The following DNAAF5 variants were observed in gnomAD, a reference collection of about 807,000 sequenced individuals.
DNAAF5 encodes HEAT repeat containing 2.
In DNAAF5, 64 loss-of-function variants were observed where a neutral mutation model predicts 75.8. The ratio of observed to expected loss-of-function variants is 0.84; its 90% CI spans 0.69 to 1.04. The LOEUF is 1.04. Among genes scored for constraint, DNAAF5 ranks in the 50% least tolerant of loss-of-function variants. The pLI, the probability that DNAAF5 is intolerant of heterozygous loss-of-function variation, is 0.00. For synonymous variants in DNAAF5, 657 were observed against 557.2 expected, an observed-to-expected ratio of 1.18 and a Z score of -2.52; for missense variants, 1,269 against 1,178.5, an observed-to-expected ratio of 1.08 and a Z score of -1.12.
chr7:781,664 C>T lies in DNAAF5; in HGVS notation c.2431+1520C>T, dbSNP rs575849610. On this transcript the variant is annotated intron_variant, in intron 12 of 12. Coordinates refer to ENST00000297440, the MANE Select transcript of DNAAF5 (RefSeq NM_017802.4). ...GGTTCCCTTGTCTCCACATCCGCGC[C>T]GGGACTTGTTTCCGCAGCCATTTTA... Among the ~76,000 whole-genome samples, 148 of 150,484 alleles carry T rather than the reference C, an allele frequency of 9.8e-4. 1 individual carries two copies. The highest frequency in any genetic ancestry group is 1.4e-3 in the Non-Finnish European group (97 of 67,126).
At chr7:734,802 CAT>C (rs1321717440) in intron 2 of DNAAF5, among the ~76,000 whole-genome samples, 1 of 152,150 alleles carries the variant, frequency 6.6e-6, no homozygotes, top group Non-Finnish European at 1.5e-5. Context: ...CTGTGTAGGT[CAT>C]ATGTGTCTAG....
chr7:733,951 G>C (rs1336870647), intron 2 of DNAAF5, among the ~76,000 whole-genome samples: 1 of 152,142 alleles, frequency 6.6e-6, no homozygotes, highest in Non-Finnish European at 1.5e-5. Flanking sequence ...GGCTTTTTTG[G>C]TGATTTTGTA....
chr7:762,347 C>T (rs1246992232), intron 7 of DNAAF5, among the ~76,000 whole-genome samples: 3 of 151,956 alleles, frequency 2.0e-5, no homozygotes, highest in Non-Finnish European at 2.9e-5. Context: ...ATTAGCCAGG[C>T]GTGTTGGCAT....
chr7:766,071 T>G (rs1242243201), intron 8 of DNAAF5, among the ~76,000 whole-genome samples: 1 of 152,172 alleles, frequency 6.6e-6, no homozygotes, highest in African/African-American at 2.4e-5. Flanking sequence ...TCGAACAGTC[T>G]TCCCACCTCA....
intron 8 of DNAAF5, among the ~76,000 whole-genome samples, chr7:765,699 G>T (rs1472919341): frequency 3.3e-5 from 5 of 152,180 alleles, no homozygotes; most frequent in Non-Finnish European, 7.4e-5. Context: ...AACTGTATGG[G>T]TTTTTTTGTT....
intron 11 of DNAAF5, among the ~76,000 whole-genome samples, chr7:776,616 T>C (rs977772491): frequency 6.6e-6 from 1 of 152,160 alleles, no homozygotes; most frequent in Admixed American, 6.5e-5. Flanking sequence ...CGCCGCCTCC[T>C]GGAGCCCAAA....
At chr7:752,670 C>T (rs1056643668) in intron 4 of DNAAF5, among the ~76,000 whole-genome samples, 3 of 152,218 alleles carry the variant, frequency 2.0e-5, no homozygotes, top group African/African-American at 4.8e-5. Context: ...GGCCGGGCCA[C>T]GCTTCCCTGG....
At chr7:784,579 A>G (rs563475813) in intron 12 of DNAAF5, among the ~76,000 whole-genome samples, 100 of 151,808 alleles carry the variant, frequency 6.6e-4, no homozygotes, top group African/African-American at 2.2e-3. Flanking sequence ...CACTGCCCCC[A>G]TCACACACAC....
chr7:746,936 C>T (rs1333209899), intron 4 of DNAAF5, among the ~76,000 whole-genome samples: 2 of 152,236 alleles, frequency 1.3e-5, no homozygotes, highest in African/African-American at 4.8e-5. Context: ...TCTTTCCTCT[C>T]TGTGTCGGAG....
chr7:756,755 G>T (rs1199804128), intron 5 of DNAAF5, 27 bp from the exon 6 acceptor site: 1 of 1,607,592 alleles, frequency 6.2e-7, no homozygotes, highest in East Asian at 2.2e-5. Context: ...GTTTGGCTCT[G>T]AGTTTTCTCA....
intron 10 of DNAAF5, 71 bp downstream of exon 10, chr7:774,269 C>T: frequency 6.9e-7 from 1 of 1,458,512 alleles, no homozygotes. Context: ...CCCGGCAGAG[C>T]TCCCGCAGCA....
At chr7:731,933 C>A (rs1447447481) in intron 2 of DNAAF5, among the ~76,000 whole-genome samples, 1 of 152,146 alleles carries the variant, frequency 6.6e-6, no homozygotes, top group African/African-American at 2.4e-5. Context: ...CCTCAACAAC[C>A]CAGGGACTGG....
chr7:774,330 G>T (rs905817280), intron 10 of DNAAF5, 132 bp downstream of exon 10: 1 of 970,910 alleles, frequency 1.0e-6, no homozygotes, highest in Non-Finnish European at 1.5e-6. Flanking sequence ...CGTACCCCAA[G>T]AGGCTCTCCC....
intron 2 of DNAAF5, among the ~76,000 whole-genome samples, chr7:736,208 T>TA (rs1178969682): frequency 6.6e-6 from 1 of 152,244 alleles, no homozygotes. Flanking sequence ...GTTCTATAAA[T>TA]ACCTATGAGG....
At chr7:774,259 C>T in intron 10 of DNAAF5, 61 bp downstream of exon 10, 2 of 1,490,478 alleles carry the variant, frequency 1.3e-6, no homozygotes, top group Non-Finnish European at 1.8e-6. Context: ...CTTCCTGGCG[C>T]CCGGCAGAGC....
rs755636890 is a variant in DNAAF5, at chr7:761,760, A to C, written c.1478A>C (p.Tyr493Ser). ...GCTGCCGGTCTCTTCCAGGACCTCTACCTGGAGCGCCTGCTGCTGTGTGTG... is the reference window on the plus strand; with the variant it reads ...GCTGCCGGTCTCTTCCAGGACCTCTCCCTGGAGCGCCTGCTGCTGTGTGTG... ...HICQASENDL[Y>S]LERLLLCVQA... is the part of the protein sequence containing the mutation. Residue 493 changes from tyrosine to serine, a missense_variant, in exon 7 of 13, where the codon TAC becomes TCC. Physicochemically the swap from Tyr to Ser is moderately radical, Grantham distance 144 (BLOSUM62 -2). Coordinates refer to ENST00000297440, the MANE Select transcript of DNAAF5 (RefSeq NM_017802.4). The C allele has an allele frequency of 3.7e-6, 6 of 1,604,106 alleles. No homozygotes were observed. The African/African-American group carries it at 8.0e-5, about 22-fold the overall frequency.
chr7:738,804 G>A (rs1477640461), intron 2 of DNAAF5, among the ~76,000 whole-genome samples: 1 of 152,228 alleles, frequency 6.6e-6, no homozygotes, highest in East Asian at 1.9e-4. Context: ...TATCAGGTGA[G>A]ATGTTTGAAG....
chr7:763,967 A>G lies in DNAAF5; in HGVS notation c.1776A>G (p.Ala592=), dbSNP rs1782745073. The change falls in exon 8 of 13, where the codon GCA becomes GCG. Residue 592 remains alanine, a synonymous_variant. Coordinates refer to ENST00000297440, the MANE Select transcript of DNAAF5 (RefSeq NM_017802.4). ...PELLQFSVIV[A]QSGPALGEAL... Reference sequence around the variant, plus strand: ...TCCTGCAGTTCAGTGTCATCGTCGCACAGTCAGGTGAGCCGTCCCGACAGC... The same window carrying G: ...TCCTGCAGTTCAGTGTCATCGTCGCGCAGTCAGGTGAGCCGTCCCGACAGC... 2 of 1,603,432 alleles carry G rather than the reference A, an allele frequency of 1.2e-6. No homozygotes were observed. Among genetic ancestry groups the G allele is most frequent in the Admixed American group, 1.7e-5 (1 of 60,004 alleles).
rs139100842 is a variant in DNAAF5, at chr7:765,741, C to T, written c.1783+1767C>T. Among the ~76,000 whole-genome samples the T allele has an allele frequency of 2.7e-3, 409 of 152,276 alleles. 4 individuals are homozygous for T. The highest frequency in any genetic ancestry group is 9.1e-3 in the African/African-American group (378 of 41,544). Reference sequence around the variant, plus strand: ...TTTTTGAGACGGTCTCACGCTGTCACCCAGGCTGGAGTGCAGTGGTACGAT... The same window carrying T: ...TTTTTGAGACGGTCTCACGCTGTCATCCAGGCTGGAGTGCAGTGGTACGAT... On this transcript the variant is annotated intron_variant, in intron 8 of 12. Transcript: ENST00000297440.
Sources: allele counts gnomAD v4.1 joint callset (sites outside exome capture counted in the v4.1 genomes callset), GRCh38; gene constraint gnomAD v4.1.1; transcripts MANE v1.5; gene names NCBI Gene and HGNC (gene_info 2026-07-23, HGNC 2026-07-21).